AHDC1: variants seen among roughly 807,000 people sequenced by gnomAD.
AHDC1 encodes AT-hook DNA binding motif containing 1, also known as transcription factor Gibbin.
In AHDC1, 7 loss-of-function variants were observed where a neutral mutation model predicts 87.9. That is an observed-to-expected ratio of 0.08 (90% CI 0.05 to 0.15). AHDC1 has a LOEUF of 0.15. AHDC1 is among the 10% of genes least tolerant of loss of function. The pLI is 1.00. For synonymous variants in AHDC1, 1,051 were observed against 1,006.8 expected (o/e 1.04, Z -0.83); for missense variants, 1,841 against 2,253.2 (o/e 0.82, Z 3.70).
intron 5 of AHDC1, among the ~76,000 whole-genome samples, chr1:27,557,205 G>A (rs1382366338): frequency 5.4e-5 from 8 of 147,154 alleles, no homozygotes; most frequent in Admixed American, 2.1e-4. Flanking sequence ...TCACCCTGCC[G>A]GCGGCCCTCC....
chr1:27,550,376 G>T lies in AHDC1; in HGVS notation c.1740C>A (p.Ala580=). Residue 580 remains alanine (A), a synonymous_variant, in exon 8 of 9, where the codon GCC becomes GCA. Coordinates refer to ENST00000673934, the MANE Select transcript of AHDC1 (RefSeq NM_001371928.1). The stretch of plus-strand genomic sequence containing the variant: ...GCCGTCGTTTTTTTACCTCTGGCAT[G>T]GCCATGGTGGCCGCTGCCACAGTGG... The part of the protein sequence containing the change: ...EAATVAAATM[A]MPEVKKRRRR... 1.2e-6 allele frequency: 2 copies of T among 1,613,456 alleles called. No individual in the cohort carries two copies. Among genetic ancestry groups the T allele is most frequent in the Non-Finnish European group, 1.7e-6 (2 of 1,179,660 alleles).
rs775022685 is a variant in AHDC1 at position 27,551,089 on chromosome 1, C to T, written c.1027G>A (p.Val343Ile). 9.6e-6 allele frequency: 15 copies of T among 1,567,096 alleles called. No individual in the cohort carries two copies. Among genetic ancestry groups the T allele is most frequent in the African/African-American group, 4.1e-5 (3 of 73,320 alleles). ...ALDPLPKLLD[V>I]PGRRLEPQQP... ...TGGGGCTCCAGACGGCGACCTGGGA[C>T]GTCAAGCAGCTTGGGCAGGGGGTCG... Residue 343 changes from valine (V) to isoleucine (I), a missense_variant, in exon 8 of 9, where the codon GTC becomes ATC. Val to Ile is a conservative substitution (Grantham distance 29). Around this residue, in one of 13 missense-constraint regions of AHDC1, gnomAD observed 370 missense variants for 391.5 expected, o/e 0.95. Coordinates refer to ENST00000673934, the MANE Select transcript of AHDC1 (RefSeq NM_001371928.1).
At position 27,565,925 on chromosome 1, in the gene AHDC1, G is replaced by A. The variant is rs893020913; in HGVS notation, c.-628-7042C>T. ...CTTGTTTCCTGGTGCCACACTCTCT[G>A]TAGGCTCTTCAACCTTGCACCCTCC... On this transcript the variant is annotated intron_variant, in intron 3 of 8. Transcript: ENST00000673934. The surrounding 1 kb of genome is among the most constrained non-coding windows in gnomAD (Gnocchi z 4.6). Among the ~76,000 whole-genome samples the A allele has an allele frequency of 1.3e-5, 2 of 152,188 alleles. No individual in the cohort carries two copies. The highest frequency in any genetic ancestry group is 4.8e-5 in the African/African-American group (2 of 41,446).
At chr1:27,556,338 T>G (rs1424796757) in intron 5 of AHDC1, among the ~76,000 whole-genome samples, 1 of 151,562 alleles carries the variant, frequency 6.6e-6, no homozygotes, top group East Asian at 1.9e-4. Context: ...CCCCCACCAT[T>G]TCCCTCCCAG....
At chr1:27,554,096 G>C (rs942024435) in intron 5 of AHDC1, among the ~76,000 whole-genome samples, 3 of 152,132 alleles carry the variant, frequency 2.0e-5, no homozygotes, top group African/African-American at 7.2e-5. Context: ...AAAGTTTGTT[G>C]CATGAATGAA....
In AHDC1 at chr1:27,548,375, C is replaced by T; in HGVS notation, c.3741G>A (p.Leu1247=). Residue 1247 remains leucine (L), a synonymous_variant, in exon 8 of 9, where the codon CTG becomes CTA. Coordinates refer to ENST00000673934, the MANE Select transcript of AHDC1 (RefSeq NM_001371928.1). The part of the protein sequence containing the change: ...KKVDLFEASH[L]GFPTSASAAA... ...CGGCAGAGGCGGATGTCGGGAAGCC[C>T]AGATGTGAGGCCTCGAACAGGTCCA... 2 of 1,607,388 alleles carry T rather than the reference C, an allele frequency of 1.2e-6. No individual in the cohort carries two copies. The highest frequency in any genetic ancestry group is 1.1e-5 in the South Asian group (1 of 90,924).
At chr1:27,538,565 A>C (rs1004497697) in intron 8 of AHDC1, among the ~76,000 whole-genome samples, 1 of 151,190 alleles carries the variant, frequency 6.6e-6, no homozygotes, top group Non-Finnish European at 1.5e-5. Flanking sequence ...CCCAGGCTAG[A>C]GTGCAGTGGC....
rs763751953 is a variant in AHDC1 at position 27,550,181 on chromosome 1, C to G, written c.1935G>C (p.Ser645=). ...TCTGGGTGTCGGGGGCCTGGTGCAC[C>G]GACTCCGGCTCACTGGGTGTCCAGC... is the stretch of plus-strand genomic sequence containing the variant. ...PRCWTPSEPE[S]VHQAPDTQSI... Residue 645 remains serine, a synonymous_variant, in exon 8 of 9, where the codon TCG becomes TCC. Coordinates refer to ENST00000673934, the MANE Select transcript of AHDC1 (RefSeq NM_001371928.1). 1 of 1,611,938 alleles carries G rather than the reference C, an allele frequency of 6.2e-7. No homozygotes were observed. The highest frequency in any genetic ancestry group is 1.3e-5 in the African/African-American group (1 of 74,932).
At position 27,598,304 on chromosome 1, in the gene AHDC1, G is replaced by GAGGGGGCTGGA. The variant is rs942936481; in HGVS notation, c.-629+5082_-629+5092dup. 1.3e-5 allele frequency among the ~76,000 whole-genome samples: 2 copies of GAGGGGGCTGGA among 152,226 alleles called. No individual in the cohort carries two copies. Among genetic ancestry groups the GAGGGGGCTGGA allele is most frequent in the Admixed American group, 6.5e-5 (1 of 15,294 alleles). The stretch of plus-strand genomic sequence containing the variant: ...TGCAGTTGGGTTTGTGTGTGTGGTG[G>GAGGGGGCTGGA]AGGGGGCTGGAAGGGGGCTGGAGGG... On this transcript the variant is annotated intron_variant, in intron 3 of 8. Transcript: ENST00000673934. The surrounding 1 kb of genome is among the most constrained non-coding windows in gnomAD (Gnocchi z 4.2).
Position 27,549,831 on chromosome 1 carries a change from C to T in AHDC1, c.2285G>A (p.Gly762Glu). Residue 762 changes from glycine (G) to glutamate (E), a missense_variant, in exon 8 of 9, where the codon GGG becomes GAG. Gly to Glu is a moderately conservative substitution (Grantham distance 98, BLOSUM62 -2). Coordinates refer to ENST00000673934, the MANE Select transcript of AHDC1 (RefSeq NM_001371928.1). ...CCCGGCCCACTCAGCACCTGCCTCC[C>T]CAAAGCCTGGGCCACTGGGCACCTG... ...PEQVPSGPGF[G>E]EAGAEWAGDK... 6.2e-7 allele frequency: 1 copy of T among 1,613,612 alleles called. No homozygotes were observed. The highest frequency in any genetic ancestry group is 8.5e-7 in the Non-Finnish European group (1 of 1,179,832).
At chr1:27,572,668 C>T (rs2148403227) in intron 3 of AHDC1, among the ~76,000 whole-genome samples, 1 of 152,334 alleles carries the variant, frequency 6.6e-6, no homozygotes, top group Non-Finnish European at 1.5e-5. Context: ...GCAGGCAAAA[C>T]CACGCAGTGT....
intron 8 of AHDC1, among the ~76,000 whole-genome samples, chr1:27,535,346 G>A (rs2018595052): frequency 1.3e-5 from 2 of 152,198 alleles, no homozygotes; most frequent in Admixed American, 6.5e-5. Context: ...TTGGTTTGCT[G>A]GGAGGATTCA....
chr1:27,535,940 T>C (rs17361686), intron 8 of AHDC1, among the ~76,000 whole-genome samples: 9,198 of 151,976 alleles, frequency 0.061, 359 homozygotes, highest in Middle Eastern at 0.11. Context: ...TCCTAAGAGC[T>C]CCAGTCATTA....
chr1:27,584,843 G>A (rs1371575700), intron 3 of AHDC1, among the ~76,000 whole-genome samples: 1 of 152,060 alleles, frequency 6.6e-6, no homozygotes, highest in Non-Finnish European at 1.5e-5. Context: ...TATCCCCCAG[G>A]AATTCAGGGC....
At chr1:27,588,701 C>T (rs971295073) in intron 3 of AHDC1, among the ~76,000 whole-genome samples, 6 of 152,000 alleles carry the variant, frequency 3.9e-5, no homozygotes, top group Non-Finnish European at 7.4e-5. Context: ...GAGGTGAGGA[C>T]GCATGTGTGT....
chr1:27,580,351 C>A (rs567278358), intron 3 of AHDC1, among the ~76,000 whole-genome samples: 2 of 152,184 alleles, frequency 1.3e-5, no homozygotes, highest in Non-Finnish European at 2.9e-5. Flanking sequence ...AAATGAAATC[C>A]GCATCTCCAG....
At chr1:27,574,763 G>C (rs539758860) in intron 3 of AHDC1, among the ~76,000 whole-genome samples, 1 of 152,234 alleles carries the variant, frequency 6.6e-6, no homozygotes, top group Admixed American at 6.5e-5. Flanking sequence ...GTGGGAAAGC[G>C]TCCCTTCCCC....
chr1:27,537,986 G>C (rs555285913), intron 8 of AHDC1, among the ~76,000 whole-genome samples: 1 of 152,302 alleles, frequency 6.6e-6, no homozygotes, highest in Admixed American at 6.5e-5. Flanking sequence ...TAAGTGAACA[G>C]CAAACATGTA....
In AHDC1 at chr1:27,550,370, T is replaced by C; in HGVS notation, c.1746A>G (p.Pro582=). The C allele has an allele frequency of 6.2e-7, 1 of 1,611,626 alleles. No homozygotes were observed. Among genetic ancestry groups the C allele is most frequent in the Non-Finnish European group, 8.5e-7 (1 of 1,178,746 alleles). ...ATVAAATMAM[P]EVKKRRRRKQ... Reference sequence around the variant, plus strand: ...TCCGCCGCCGTCGTTTTTTTACCTCTGGCATGGCCATGGTGGCCGCTGCCA... The same window carrying C: ...TCCGCCGCCGTCGTTTTTTTACCTCCGGCATGGCCATGGTGGCCGCTGCCA... The change falls in exon 8 of 9, where the codon CCA becomes CCG. Residue 582 remains proline, a synonymous_variant. Transcript: ENST00000673934.
Sources: gnomAD v4.1 joint callset for allele counts (sites outside exome capture counted in the v4.1 genomes callset) on GRCh38, gnomAD v4.1.1 for gene constraint, gnomAD v4.1.1 regional missense constraint, Gnocchi (gnomAD v3.1) non-coding constraint, MANE v1.5 for transcripts, NCBI Gene and HGNC (gene_info 2026-07-23, HGNC 2026-07-21) for gene names.